Variants in LRRC20 observed in about 807,000 individuals in gnomAD.
The protein encoded by LRRC20 is leucine rich repeat containing 20, also known as leucine-rich repeat-containing protein 20.
A neutral mutation model predicts 14.4 loss-of-function variants in LRRC20; 11 were observed. The ratio of observed to expected loss-of-function variants is 0.77; its 90% CI spans 0.48 to 1.27. LRRC20 has a LOEUF of 1.27. Among genes scored for constraint, LRRC20 ranks in the 50% most tolerant of loss-of-function variants. LRRC20 has a pLI of 0.00. For synonymous variants in LRRC20, 121 were observed against 107.3 expected (o/e 1.13, Z -0.79); for missense variants, 219 against 251.2 (o/e 0.87, Z 0.87).
At chr10:70,328,855 T>C (rs1386463912) in intron 3 of LRRC20, among the ~76,000 whole-genome samples, 2 of 151,822 alleles carry the variant, frequency 1.3e-5, no homozygotes, top group Admixed American at 6.5e-5. Flanking sequence ...GAGGCGGAGG[T>C]TGCAGTGAGC....
At chr10:70,311,292 G>A (rs1169052947) in intron 4 of LRRC20, among the ~76,000 whole-genome samples, 5 of 145,570 alleles carry the variant, frequency 3.4e-5, no homozygotes, top group Admixed American at 7.1e-5. Context: ...GCAATGGCGC[G>A]ATCTCAGCTC....
intron 3 of LRRC20, among the ~76,000 whole-genome samples, chr10:70,338,449 T>C (rs56304722): frequency 6.6e-6 from 1 of 152,200 alleles, no homozygotes; most frequent in Admixed American, 6.5e-5. Context: ...ACCCTTTTCA[T>C]ATCCCTATCA....
chr10:70,367,398 T>C (rs2137132864), intron 2 of LRRC20, among the ~76,000 whole-genome samples: 1 of 149,880 alleles, frequency 6.7e-6, no homozygotes, highest in South Asian at 2.2e-4. Context: ...GCAAAACCTG[T>C]ATGCAAATGT....
At chr10:70,375,731 G>A (rs10733867) in intron 2 of LRRC20, among the ~76,000 whole-genome samples, 147,422 of 152,096 alleles carry the variant, frequency 0.97, 71,596 homozygotes, top group Non-Finnish European at 1. Flanking sequence ...ACATGCACAT[G>A]CACACATGCA....
At chr10:70,374,741 C>T (rs543948029) in intron 2 of LRRC20, among the ~76,000 whole-genome samples, 1 of 152,292 alleles carries the variant, frequency 6.6e-6, no homozygotes, top group Admixed American at 6.5e-5. Flanking sequence ...GAACACCCAG[C>T]ACAGACGTGG....
intron 2 of LRRC20, among the ~76,000 whole-genome samples, chr10:70,360,206 G>A (rs935020492): frequency 6.6e-6 from 1 of 152,102 alleles, no homozygotes; most frequent in African/African-American, 2.4e-5. Flanking sequence ...AAGCCACTGC[G>A]CCCATCCGCA....
At chr10:70,365,146 G>A (rs1209140743) in intron 2 of LRRC20, among the ~76,000 whole-genome samples, 1 of 133,586 alleles carries the variant, frequency 7.5e-6, no homozygotes, top group African/African-American at 2.8e-5. Context: ...TGCAACCTCC[G>A]CCTCCCAGGT....
chr10:70,301,573 G>A lies in LRRC20; in HGVS notation c.401-65C>T, dbSNP rs1341959550. 5.8e-6 allele frequency: 9 copies of A among 1,564,462 alleles called. No individual in the cohort carries two copies. The African/African-American group carries it at 1.2e-4, about 21-fold the overall frequency. On this transcript the variant is annotated intron_variant, in intron 4 of 4. Coordinates refer to ENST00000446961, the MANE Select transcript of LRRC20 (RefSeq NM_001278212.2). ...CAACCAGACAGAAAAGAAGGACAAT[G>A]GGCCATGAGGACTCTGAGCACCTGA...
intron 2 of LRRC20, among the ~76,000 whole-genome samples, chr10:70,352,258 C>G (rs115041272): frequency 0.042 from 6,320 of 151,640 alleles, 463 homozygotes; most frequent in African/African-American, 0.15. Flanking sequence ...TGGGAAAAAT[C>G]TGAAACGCAA....
intron 2 of LRRC20, among the ~76,000 whole-genome samples, chr10:70,369,231 G>T (rs751223658): frequency 6.6e-6 from 1 of 152,170 alleles, no homozygotes; most frequent in Non-Finnish European, 1.5e-5. Context: ...GCGGGAAGAG[G>T]GAGGTTCACA....
At chr10:70,308,322 C>T (rs1841500811) in intron 4 of LRRC20, among the ~76,000 whole-genome samples, 2 of 152,156 alleles carry the variant, frequency 1.3e-5, no homozygotes, top group South Asian at 4.1e-4. Context: ...TGGGGTCACC[C>T]AGCCAGTGGG....
intron 2 of LRRC20, among the ~76,000 whole-genome samples, chr10:70,368,852 G>A (rs10733862): frequency 0.96 from 145,811 of 152,232 alleles, 70,116 homozygotes; most frequent in East Asian, 1. Context: ...CGAACTCCTG[G>A]CCTCAGGCAA....
At position 70,301,502 on chromosome 10, in the gene LRRC20, G is replaced by C; in HGVS notation, c.407C>G (p.Pro136Arg). 1 of 1,613,938 alleles carries C rather than the reference G, an allele frequency of 6.2e-7. No individual in the cohort carries two copies. The highest frequency in any genetic ancestry group is 2.2e-5 in the East Asian group (1 of 44,878). Residue 136 changes from proline to arginine, a missense_variant, in exon 5 of 5, where the codon CCC becomes CGC. Pro to Arg is a moderately radical substitution (Grantham distance 103). Coordinates refer to ENST00000446961, the MANE Select transcript of LRRC20 (RefSeq NM_001278212.2). ...NLEENEIVDV[P>R]VEKLAAMPAL... ...TGGCATGGCGGCCAGCTTCTCCACGGGCACATCTATTGGGGACAGAATGGA... is the reference window on the plus strand; with the variant it reads ...TGGCATGGCGGCCAGCTTCTCCACGCGCACATCTATTGGGGACAGAATGGA...
In LRRC20 at chr10:70,301,269, C is replaced by G; in HGVS notation, c.*85G>C. 4.0e-6 allele frequency: 6 copies of G among 1,507,868 alleles called. No homozygotes were observed. The highest frequency in any genetic ancestry group is 5.3e-6 in the Non-Finnish European group (6 of 1,132,592). 93.4% of individuals were successfully genotyped at this position (1,507,868 alleles called of 1,614,324 possible). Reference sequence around the variant, plus strand: ...GGCCCACCCGCCCCCAGCCCCCAGGCTTGGCCTCCCATGGGCCTCCCTCCC... The same window carrying G: ...GGCCCACCCGCCCCCAGCCCCCAGGGTTGGCCTCCCATGGGCCTCCCTCCC... On this transcript the variant is annotated 3_prime_UTR_variant, in exon 5 of 5. Coordinates refer to ENST00000446961, the MANE Select transcript of LRRC20 (RefSeq NM_001278212.2).
intron 3 of LRRC20, among the ~76,000 whole-genome samples, chr10:70,329,631 G>A (rs1183860987): frequency 3.4e-5 from 5 of 148,458 alleles, no homozygotes; most frequent in Admixed American, 6.8e-5. Context: ...GCACGATCTC[G>A]GCTCACTGCA....
chr10:70,323,908 G>A lies in LRRC20; in HGVS notation c.355C>T (p.Leu119=). Reference sequence around the variant, plus strand: ...AGGTTGATGGTCTCCAGCGCCGGCAGGGCGGTAAGCTGCTCAGGGAAGTCC... The same window carrying A: ...AGGTTGATGGTCTCCAGCGCCGGCAAGGCGGTAAGCTGCTCAGGGAAGTCC... ...FQDFPEQLTA[L]PALETINLEE... The change falls in exon 4 of 5, where the codon CTG becomes TTG. Residue 119 remains leucine (L), a synonymous_variant. Coordinates refer to ENST00000446961, the MANE Select transcript of LRRC20 (RefSeq NM_001278212.2). 1 of 1,614,210 alleles carries A rather than the reference G, an allele frequency of 6.2e-7. No homozygotes were observed. Among genetic ancestry groups the A allele is most frequent in the Non-Finnish European group, 8.5e-7 (1 of 1,180,040 alleles).
At chr10:70,323,591 T>C (rs1470325479) in intron 4 of LRRC20, among the ~76,000 whole-genome samples, 5 of 152,116 alleles carry the variant, frequency 3.3e-5, no homozygotes, top group Admixed American at 3.3e-4. Flanking sequence ...GAGGGAGAGC[T>C]TGTGGCCTAC....
intron 4 of LRRC20, among the ~76,000 whole-genome samples, chr10:70,319,308 A>G (rs1235680867): frequency 2.0e-5 from 3 of 152,194 alleles, no homozygotes; most frequent in Non-Finnish European, 2.9e-5. Context: ...TCACCCTCAC[A>G]TGTTCCAGGA....
intron 4 of LRRC20, among the ~76,000 whole-genome samples, chr10:70,302,157 C>CA (rs1358315738): frequency 6.6e-6 from 1 of 151,992 alleles, no homozygotes; most frequent in East Asian, 1.9e-4. Context: ...ACTAAAAATA[C>CA]AAAAACATTA....
Sources: gnomAD v4.1 joint callset for allele counts (sites outside exome capture counted in the v4.1 genomes callset) on GRCh38, gnomAD v4.1.1 for gene constraint, MANE v1.5 for transcripts, NCBI Gene and HGNC (gene_info 2026-07-23, HGNC 2026-07-21) for gene names.